ACSM1: variants seen among roughly 807,000 people sequenced by gnomAD.
ACSM1 encodes acyl-coenzyme A synthetase ACSM1, mitochondrial.
ACSM1 carries 79 observed loss-of-function variants against 75.8 expected under a neutral mutation model. The ratio of observed to expected loss-of-function variants is 1.04; its 90% confidence interval spans 0.87 to 1.26. ACSM1 has a LOEUF of 1.26. Among genes scored for constraint, ACSM1 ranks in the 50% most tolerant of loss-of-function variants. ACSM1 has a pLI of 0.00. For missense variants in ACSM1, 676 were observed against 720.1 expected, an observed-to-expected ratio of 0.94 and a Z score of 0.70; for synonymous variants, 279 against 265.8, an observed-to-expected ratio of 1.05 and a Z score of -0.48.
intron 10 of ACSM1, among the ~76,000 whole-genome samples, chr16:20,629,322 GT>G (rs924230295): frequency 1.3e-5 from 2 of 151,380 alleles, no homozygotes; most frequent in African/African-American, 2.4e-5. Context: ...CAGGAGTACA[GT>G]TTTTTTTTAT....
chr16:20,667,361 G>A (rs1270229528), intron 6 of ACSM1, among the ~76,000 whole-genome samples: 2 of 152,060 alleles, frequency 1.3e-5, no homozygotes, highest in African/African-American at 4.8e-5. Flanking sequence ...TACATAAACA[G>A]ACACTTCTCA....
chr16:20,663,173 T>A (rs2019384804), intron 6 of ACSM1, among the ~76,000 whole-genome samples: 1 of 152,166 alleles, frequency 6.6e-6, no homozygotes. Flanking sequence ...GTGCACAGAC[T>A]TGTTGGCTAC....
intron 1 of ACSM1, among the ~76,000 whole-genome samples, chr16:20,691,778 T>C (rs2079655973): frequency 6.6e-6 from 1 of 150,910 alleles, no homozygotes; most frequent in Admixed American, 6.6e-5. Context: ...TGTGTGTGTG[T>C]GTGTGTGTGT....
intron 2 of ACSM1, among the ~76,000 whole-genome samples, chr16:20,689,017 A>G (rs1365126499): frequency 6.7e-6 from 1 of 148,856 alleles, no homozygotes; most frequent in African/African-American, 2.4e-5. Flanking sequence ...AATATATGTT[A>G]ACATATATTT....
chr16:20,682,460 A>T lies in ACSM1; in HGVS notation c.407T>A (p.Ile136Asn). 6.2e-7 allele frequency: 1 copy of T among 1,612,816 alleles called. No homozygotes were observed. The highest frequency in any genetic ancestry group is 8.5e-7 in the Non-Finnish European group (1 of 1,179,146). Residue 136 changes from isoleucine to asparagine, a missense_variant, in exon 4 of 14, where the codon ATC becomes AAC. Physicochemically the swap from Ile to Asn is moderately radical, Grantham distance 149. Coordinates refer to ENST00000520010, the MANE Select transcript of ACSM1 (RefSeq NM_001318890.3). ...LVAVGCMRTG[I>N]IFIPATILLK... The stretch of plus-strand genomic sequence containing the variant: ...CAGGATGGTCGCAGGAATGAAGATG[A>T]TCCCTGGGGATGAGAAAGGAACTGA...
At chr16:20,669,575 T>A (rs2019775514) in intron 6 of ACSM1, among the ~76,000 whole-genome samples, 1 of 151,774 alleles carries the variant, frequency 6.6e-6, no homozygotes, top group African/African-American at 2.4e-5. Context: ...ACATCCTGGG[T>A]CCCAAGTCTA....
intron 7 of ACSM1, among the ~76,000 whole-genome samples, chr16:20,641,901 C>T (rs1049980908): frequency 6.6e-6 from 1 of 152,054 alleles, no homozygotes; most frequent in Non-Finnish European, 1.5e-5. Flanking sequence ...GTGGAGTGCT[C>T]GGAAGAATCA....
chr16:20,659,804 T>G (rs1276583444), intron 7 of ACSM1, among the ~76,000 whole-genome samples: 1 of 152,184 alleles, frequency 6.6e-6, no homozygotes, highest in Non-Finnish European at 1.5e-5. Context: ...GAGTTTCCTC[T>G]GCACAATAAA....
intron 1 of ACSM1, 45 bp from the exon 2 acceptor site, chr16:20,691,284 T>G (rs374117492): frequency 2.8e-6 from 3 of 1,081,198 alleles, no homozygotes. Context: ...TCCAAAACTT[T>G]CTCCCTAAAT....
At chr16:20,626,780 TAATAAA>T (rs2016949633) in intron 11 of ACSM1, among the ~76,000 whole-genome samples, 1 of 152,070 alleles carries the variant, frequency 6.6e-6, no homozygotes, top group South Asian at 2.1e-4. Context: ...ATATTCATAA[TAATAAA>T]AATAAACAAT....
At chr16:20,690,682 A>C (rs570249199) in intron 2 of ACSM1, among the ~76,000 whole-genome samples, 2 of 152,162 alleles carry the variant, frequency 1.3e-5, no homozygotes, top group East Asian at 3.9e-4. Context: ...GACTAATACG[A>C]ATTTGCTGAC....
At chr16:20,627,842 C>G (rs1408328326) in intron 10 of ACSM1, among the ~76,000 whole-genome samples, 1 of 135,442 alleles carries the variant, frequency 7.4e-6, no homozygotes, top group African/African-American at 3.0e-5. Flanking sequence ...CTCTCTCTCT[C>G]TCTCTCTCTC....
intron 8 of ACSM1, among the ~76,000 whole-genome samples, chr16:20,638,466 A>G (rs1265850920): frequency 6.6e-6 from 1 of 152,228 alleles, no homozygotes; most frequent in African/African-American, 2.4e-5. Flanking sequence ...AAGAATAGAG[A>G]CTGCCCTATT....
At chr16:20,684,449 T>A (rs1367908896) in intron 3 of ACSM1, among the ~76,000 whole-genome samples, 2 of 152,214 alleles carry the variant, frequency 1.3e-5, no homozygotes, top group East Asian at 3.8e-4. Context: ...ACAAACTGAC[T>A]TCAGAATATA....
At position 20,671,440 on chromosome 16, in the gene ACSM1, G is replaced by GACACACACACACAC. The variant is rs55913255; in HGVS notation, c.752+77_752+90dup. The GACACACACACACAC allele has an allele frequency of 3.1e-5, 30 of 970,828 alleles. No individual in the cohort carries two copies. The African/African-American group carries it at 5.2e-4, about 17-fold the overall frequency. The allele number at this position is 970,828 out of a possible 1,614,324, so 60.1% of individuals were successfully genotyped here. On this transcript the variant is annotated intron_variant, in intron 5 of 13. Transcript: ENST00000520010. ...CTTCTACTTCCAGTTCCTTTCCCAA[G>GACACACACACACAC]ACACACACACACACACACACACACA...
In ACSM1 at chr16:20,651,906, C is replaced by CAA. The variant is rs2018669319; in HGVS notation, c.992+9887_992+9888insTT. ...TTTGCATCTATTGATCAAATGGTTT[C>CAA]ATGTTTATTCCCACAGAATACTATA... On this transcript the variant is annotated intron_variant, in intron 7 of 13. Transcript: ENST00000520010. Among the ~76,000 whole-genome samples the CAA allele has an allele frequency of 5.3e-5, 8 of 152,148 alleles. No homozygotes were observed. In the South Asian group the frequency reaches 1.7e-3, roughly 32 times the overall value.
intron 6 of ACSM1, among the ~76,000 whole-genome samples, chr16:20,669,542 C>T (rs1004771047): frequency 4.0e-5 from 6 of 151,608 alleles, no homozygotes; most frequent in African/African-American, 1.2e-4. Flanking sequence ...TGGACTTGTG[C>T]TTGCTTTAAT....
At chr16:20,697,556 T>TACACACACACACACAC (rs57633278) in intron 1 of ACSM1, 80 bp downstream of exon 1, 4 of 139,644 alleles carry the variant, frequency 2.9e-5, no homozygotes, top group East Asian at 2.3e-4. Flanking sequence ...AAAATTGGAT[T>TACACACACACACACAC]ACACACACAC....
At position 20,668,036 on chromosome 16, in the gene ACSM1, C is replaced by T. The variant is rs370697413; in HGVS notation, c.912+1791G>A. 7.2e-5 allele frequency among the ~76,000 whole-genome samples: 11 copies of T among 152,086 alleles called. No homozygotes were observed. The East Asian group carries it at 1.4e-3, about 19-fold the overall frequency. ...GAGAAGGGAGAGACAGGGAGGGGGT[C>T]GTGGGCTGAAAAACTTATTGGGTAC... On this transcript the variant is annotated intron_variant, in intron 6 of 13. Coordinates refer to ENST00000520010, the MANE Select transcript of ACSM1 (RefSeq NM_001318890.3).
Sources: allele counts gnomAD v4.1 joint callset (sites outside exome capture counted in the v4.1 genomes callset), GRCh38; gene constraint gnomAD v4.1.1; transcripts MANE v1.5; gene names NCBI Gene and HGNC (gene_info 2026-07-23, HGNC 2026-07-21).